Variants in MYO7B observed in about 807,000 individuals in gnomAD.
MYO7B encodes myosin VIIB.
A neutral mutation model predicts 259.7 loss-of-function variants in MYO7B; 212 were observed. The observed-to-expected ratio is 0.82, with a 90% CI of 0.73 to 0.91. The LOEUF is 0.91. Ranked by LOEUF, MYO7B falls within the 40% of genes least tolerant of loss-of-function variation. The pLI is 0.00. For missense variants in MYO7B, 2,732 were observed against 2,813.5 expected (o/e 0.97, Z 0.66); for synonymous variants, 1,197 against 1,166.4 (o/e 1.03, Z -0.54).
At chr2:127,538,691 G>A (rs1344294531) in intron 1 of MYO7B, among the ~76,000 whole-genome samples, 3 of 151,590 alleles carry the variant, frequency 2.0e-5, no homozygotes, top group Non-Finnish European at 2.9e-5. Context: ...TCAGCCTCCC[G>A]AGTAGCTGGG....
chr2:127,580,685 G>A, intron 9 of MYO7B, 61 bp from the exon 10 acceptor site: 2 of 1,518,294 alleles, frequency 1.3e-6, no homozygotes, highest in Non-Finnish European at 1.8e-6. Context: ...GGGCCAGTCG[G>A]GACCTTGCTC....
Position 127,593,662 on chromosome 2 carries a change from C to A in MYO7B, c.2244+18C>A. The A allele has an allele frequency of 6.2e-7, 1 of 1,610,574 alleles. No homozygotes were observed. The highest frequency in any genetic ancestry group is 1.1e-5 in the South Asian group (1 of 90,908). ...TCCTGAGGGTGAGACCCCGAGGAACCAGCCAGCTGTCGGCCTCCTGCAGCA... is the reference window on the plus strand; with the variant it reads ...TCCTGAGGGTGAGACCCCGAGGAACAAGCCAGCTGTCGGCCTCCTGCAGCA... On this transcript the variant is annotated intron_variant, in intron 18 of 47. Transcript: ENST00000409816.
At chr2:127,605,604 C>A (rs1430392880) in intron 19 of MYO7B, among the ~76,000 whole-genome samples, 1 of 152,018 alleles carries the variant, frequency 6.6e-6, no homozygotes, top group Non-Finnish European at 1.5e-5. Context: ...TCTAAAAAAA[C>A]AAAAAACAAA....
rs1442656778 is a variant in MYO7B at position 127,627,863 on chromosome 2, G to A, written c.4461-509G>A. ...CCTTGGTTGAAGCACACAACAGAGT[G>A]GCACATGCATCTCTGGGCTGTGCCA... On this transcript the variant is annotated intron_variant, in intron 33 of 47. Coordinates refer to ENST00000409816, the MANE Select transcript of MYO7B (RefSeq NM_001393586.1). This position sits in a 1 kb window ranked among gnomAD's most constrained non-coding sequence, Gnocchi z 5.6. The A allele has an allele frequency of 1.3e-5, 6 of 458,248 alleles. No homozygotes were observed. Among genetic ancestry groups the A allele is most frequent in the Admixed American group, 9.4e-5 (4 of 42,608 alleles). The allele number at this position is 458,248 out of a possible 1,614,324, so 28.4% of individuals were successfully genotyped here.
intron 47 of MYO7B, 139 bp from the exon 48 acceptor site, chr2:127,637,177 C>T: frequency 1.1e-6 from 1 of 892,608 alleles, no homozygotes; most frequent in East Asian, 2.6e-5. Flanking sequence ...GAAATGACGG[C>T]CCCAATGGCA....
At chr2:127,540,543 C>T (rs1692965441) in intron 1 of MYO7B, among the ~76,000 whole-genome samples, 1 of 152,184 alleles carries the variant, frequency 6.6e-6, no homozygotes, top group Non-Finnish European at 1.5e-5. Flanking sequence ...TAAGGAATAT[C>T]CCTACTGTTT....
Position 127,637,477 on chromosome 2 carries a change from TC to T in MYO7B, c.*63del. The T allele has an allele frequency of 7.9e-7, 1 of 1,266,030 alleles. No individual in the cohort carries two copies. The highest frequency in any genetic ancestry group is 1.1e-6 in the Non-Finnish European group (1 of 932,130). The allele number at this position is 1,266,030 out of a possible 1,614,324, so 78.4% of individuals were successfully genotyped here. A position where few individuals can be genotyped will look rare whatever the true frequency, so the allele number is the denominator to read the frequency against. On this transcript the variant is annotated 3_prime_UTR_variant, in exon 48 of 48. Transcript: ENST00000409816. ...CCCGACCTCTAGCCTGGCGGCACCT[TC>T]CCAGGCCCTCTCAACCCAGGGCCTG...
At chr2:127,581,328 G>A (rs1679090561) in intron 10 of MYO7B, among the ~76,000 whole-genome samples, 1 of 152,214 alleles carries the variant, frequency 6.6e-6, no homozygotes, top group South Asian at 2.1e-4. Context: ...CAGGCCCTGA[G>A]TGAGGGGCTA....
chr2:127,559,748 T>C lies in MYO7B; in HGVS notation c.18+8T>C. Reference sequence around the variant, plus strand: ...ATGTCGGGGTTCAGGCTGGTAAGAATTGTATGATTTGATCTAGGGGTTATT... The same window carrying C: ...ATGTCGGGGTTCAGGCTGGTAAGAACTGTATGATTTGATCTAGGGGTTATT... On this transcript the variant is annotated splice_region_variant and intron_variant, in intron 2 of 47. Transcript: ENST00000409816. The surrounding 1 kb of genome is among the most constrained non-coding windows in gnomAD (Gnocchi z 4.1). 2 of 1,613,896 alleles carry C rather than the reference T, an allele frequency of 1.2e-6. No individual in the cohort carries two copies. Among genetic ancestry groups the C allele is most frequent in the South Asian group, 1.1e-5 (1 of 91,076 alleles).
At chr2:127,629,201 G>C (rs1014398250) in intron 34 of MYO7B, among the ~76,000 whole-genome samples, 1 of 152,184 alleles carries the variant, frequency 6.6e-6, no homozygotes, top group African/African-American at 2.4e-5. Flanking sequence ...AATGTCAGCC[G>C]AGATGTGCTG....
chr2:127,636,752 T>C lies in MYO7B; in HGVS notation c.6208-42T>C. 1 of 1,612,584 alleles carries C rather than the reference T, an allele frequency of 6.2e-7. No individual in the cohort carries two copies. The highest frequency in any genetic ancestry group is 8.5e-7 in the Non-Finnish European group (1 of 1,179,456). On this transcript the variant is annotated intron_variant, in intron 46 of 47. Transcript: ENST00000409816. This position sits in a 1 kb window ranked among gnomAD's most constrained non-coding sequence, Gnocchi z 4.5. ...TGTCCCCTAACACACACAGAGCCCG[T>C]GCTCTGGAGGCGTCCGGCCCACCCA...
rs891153549 is a variant in MYO7B at position 127,625,269 on chromosome 2, T to G, written c.4048-99T>G. On this transcript the variant is annotated intron_variant, in intron 30 of 47. Transcript: ENST00000409816. The stretch of plus-strand genomic sequence containing the variant: ...CCCGAGCCACAGGTTAGCTCCCCTG[T>G]GATGGGGCAAGAGCCCGGCCACGGG... 7.4e-6 allele frequency: 10 copies of G among 1,356,674 alleles called. No homozygotes were observed. The African/African-American group carries it at 1.2e-4, about 16-fold the overall frequency. 84.0% of individuals were successfully genotyped at this position (1,356,674 alleles called of 1,614,324 possible). A position where few individuals can be genotyped will look rare whatever the true frequency, so the allele number is the denominator to read the frequency against.
chr2:127,634,058 A>T, intron 40 of MYO7B, 118 bp from the exon 41 acceptor site: 2 of 775,806 alleles, frequency 2.6e-6, no homozygotes, highest in Non-Finnish European at 4.3e-6. Context: ...TGCTCAGGGC[A>T]GACCACATCC....
At chr2:127,579,311 T>G (rs572844376) in intron 9 of MYO7B, among the ~76,000 whole-genome samples, 1 of 152,318 alleles carries the variant, frequency 6.6e-6, no homozygotes, top group Non-Finnish European at 1.5e-5. Context: ...AGGGATAGAC[T>G]TTTCATAAAC....
intron 35 of MYO7B, 109 bp from the exon 36 acceptor site, chr2:127,630,669 T>A: frequency 1.3e-6 from 2 of 1,504,036 alleles, no homozygotes; most frequent in Non-Finnish European, 1.8e-6. Context: ...TGTTCAGCCC[T>A]GGGCCTGACC....
At chr2:127,571,442 G>GTTTT in intron 6 of MYO7B, among the ~76,000 whole-genome samples, 25 of 41,958 alleles carry the variant, frequency 6.0e-4, no homozygotes, top group African/African-American at 9.7e-4. Flanking sequence ...TTACCAGTGA[G>GTTTT]TTTTTTTTTT....
In MYO7B at chr2:127,627,011, G is replaced by A. The variant is rs746972907; in HGVS notation, c.4252G>A (p.Val1418Met). ...YTQKQVTPLA[V>M]REQVVDAARL... ...TCAGAAGCAAGTCACACCACTGGCC[G>A]TGCGAGAGCAGGTGGTGGACGCCGC... is the stretch of plus-strand genomic sequence containing the variant. Residue 1418 changes from valine (V) to methionine (M), a missense_variant, in exon 32 of 48, where the codon GTG (valine) becomes ATG (methionine). Physicochemically the swap from Val to Met is conservative, Grantham distance 21 (BLOSUM62 1). Transcript: ENST00000409816. This position sits in a 1 kb window ranked among gnomAD's most constrained non-coding sequence, Gnocchi z 5.6. 43 of 1,611,314 alleles carry A rather than the reference G, an allele frequency of 2.7e-5. No homozygotes were observed. The highest frequency in any genetic ancestry group is 6.7e-5 in the African/African-American group (5 of 74,906).
intron 15 of MYO7B, 106 bp downstream of exon 15, chr2:127,588,661 C>T: frequency 7.3e-7 from 1 of 1,361,594 alleles, no homozygotes; most frequent in Non-Finnish European, 1.0e-6. Flanking sequence ...CCACAGCATG[C>T]AGTTGGCACT....
chr2:127,587,075 G>A (rs1167369477), intron 14 of MYO7B, among the ~76,000 whole-genome samples: 8 of 152,316 alleles, frequency 5.3e-5, no homozygotes, highest in East Asian at 3.9e-4. Flanking sequence ...CTGTGCAGGT[G>A]TGCACAGAGC....
Sources: allele counts gnomAD v4.1 joint callset (sites outside exome capture counted in the v4.1 genomes callset), GRCh38; gene constraint gnomAD v4.1.1; non-coding constraint Gnocchi (gnomAD v3.1); transcripts MANE v1.5; gene names NCBI Gene and HGNC (gene_info 2026-07-23, HGNC 2026-07-21).